MTPAP: variants seen among roughly 807,000 people sequenced by gnomAD.
MTPAP encodes the protein mitochondrial poly(A) polymerase.
In MTPAP, 23 loss-of-function variants were observed where a neutral mutation model predicts 48.7. The observed-to-expected ratio is 0.47, with a 90% confidence interval of 0.34 to 0.67. The LOEUF (loss-of-function observed/expected upper bound fraction) is 0.67. Ranked by LOEUF, MTPAP falls within the 30% of genes least tolerant of loss-of-function variation. MTPAP has a pLI of 0.01. For missense variants in MTPAP, 614 were observed against 694.3 expected, an observed-to-expected ratio of 0.88 and a Z score of 1.30; for synonymous variants, 257 against 254.1, an observed-to-expected ratio of 1.01 and a Z score of -0.11.
intron 3 of MTPAP, among the ~76,000 whole-genome samples, chr10:30,339,592 A>G (rs1029435380): frequency 2.6e-5 from 4 of 152,060 alleles, no homozygotes; most frequent in African/African-American, 9.7e-5. Context: ...GAAAACCTAA[A>G]CTGTTCAAAA....
chr10:30,341,130 C>G lies in MTPAP; in HGVS notation c.330+338G>C, dbSNP rs534704889. 5.1e-4 allele frequency among the ~76,000 whole-genome samples: 77 copies of G among 151,712 alleles called. 2 individuals are homozygous for G. The highest frequency in any genetic ancestry group is 5.1e-3 in the Admixed American group (77 of 15,214). On this transcript the variant is annotated intron_variant, in intron 2 of 8. Coordinates refer to ENST00000263063, the MANE Select transcript of MTPAP (RefSeq NM_018109.4). Reference sequence around the variant, plus strand: ...CTACTCCAGAGGCAGAAGGATCACCCGAGCCTAGGAGTCGAGGCTGTAGTG... The same window carrying G: ...CTACTCCAGAGGCAGAAGGATCACCGGAGCCTAGGAGTCGAGGCTGTAGTG...
At chr10:30,323,128 CAA>C (rs201987154) in intron 5 of MTPAP, among the ~76,000 whole-genome samples, 1,063 of 86,452 alleles carry the variant, frequency 0.012, 11 homozygotes, top group African/African-American at 0.05. Context: ...GACTCCGTTT[CAA>C]AAAAAAAAAA....
In MTPAP at chr10:30,349,199, A is replaced by G. The variant is rs1834905661; in HGVS notation, c.77T>C (p.Ile26Thr). 3 of 1,584,790 alleles carry G rather than the reference A, an allele frequency of 1.9e-6. No homozygotes were observed. The African/African-American group carries it at 4.1e-5, about 21-fold the overall frequency. The change falls in exon 1 of 9, where the codon ATC becomes ACC. Residue 26 changes from isoleucine (I) to threonine (T), a missense_variant. This residue lies in a region of MTPAP where 125 missense variants were observed against 111.5 expected (regional missense o/e 1.12). Transcript: ENST00000263063. ...ARRRTRVQRP[I>T]VRLLSCPGTV... is the part of the protein sequence containing the mutation. ...TCCTGGGCAACTCAAAAGCCTGACGATAGGCCGCTGGACTCGAGTTCTTCT... is the reference window on the plus strand; with the variant it reads ...TCCTGGGCAACTCAAAAGCCTGACGGTAGGCCGCTGGACTCGAGTTCTTCT...
chr10:30,338,861 C>T (rs1024529394), intron 3 of MTPAP, among the ~76,000 whole-genome samples: 10 of 151,878 alleles, frequency 6.6e-5, no homozygotes, highest in East Asian at 2.0e-4. Flanking sequence ...CAGTGGCTCA[C>T]GCCTATAATC....
intron 6 of MTPAP, among the ~76,000 whole-genome samples, chr10:30,317,992 G>C (rs1840680787): frequency 6.6e-6 from 1 of 152,024 alleles, no homozygotes; most frequent in Non-Finnish European, 1.5e-5. Flanking sequence ...TGAGTAGCCG[G>C]AACTACAGGC....
At position 30,340,269 on chromosome 10, in the gene MTPAP, C is replaced by T. The variant is rs1414230576; in HGVS notation, c.512G>A (p.Arg171His). 2.5e-6 allele frequency: 4 copies of T among 1,614,172 alleles called. No homozygotes were observed. Among genetic ancestry groups the T allele is most frequent in the Admixed American group, 1.7e-5 (1 of 60,024 alleles). Residue 171 changes from arginine (R) to histidine (H), a missense_variant, in exon 3 of 9, where the codon CGT (arginine) becomes CAT (histidine). Around this residue, in one of 5 missense-constraint regions of MTPAP, gnomAD observed 114 missense variants for 107.9 expected, o/e 1.06. Transcript: ENST00000263063. Reference sequence around the variant, plus strand: ...TAATTCAAAAAGCTGCTTGTTTGAACGTGGCAACTGATTACTTGACCGTAC... The same window carrying T: ...TAATTCAAAAAGCTGCTTGTTTGAATGTGGCAACTGATTACTTGACCGTAC... ...SRVRSSNQLP[R>H]SNKQLFELLC...
intron 4 of MTPAP, among the ~76,000 whole-genome samples, chr10:30,327,584 G>A (rs1002638433): frequency 1.3e-5 from 2 of 151,702 alleles, no homozygotes; most frequent in African/African-American, 2.4e-5. Context: ...GGTGGCTCAT[G>A]CCTGCAATCT....
intron 1 of MTPAP, among the ~76,000 whole-genome samples, chr10:30,348,553 C>T (rs977981904): frequency 1.3e-5 from 2 of 152,104 alleles, no homozygotes; most frequent in South Asian, 2.1e-4. Flanking sequence ...AAATGTAGAA[C>T]GAACGCGGGA....
chr10:30,340,578 A>G (rs1387234831), intron 2 of MTPAP, 128 bp from the exon 3 acceptor site: 4 of 784,230 alleles, frequency 5.1e-6, no homozygotes, highest in Non-Finnish European at 8.7e-6. Flanking sequence ...TACAAATGAT[A>G]TGATTCTAAC....
In MTPAP at chr10:30,340,389, G is replaced by A; in HGVS notation, c.392C>T (p.Thr131Ile). Residue 131 changes from threonine (T) to isoleucine (I), a missense_variant, in exon 3 of 9, where the codon ACT becomes ATT. Transcript: ENST00000263063. ...KESIGSLQNG[T>I]HTPSTAMETA... The stretch of plus-strand genomic sequence containing the variant: ...CTCCATGGCCGTGCTTGGAGTATGA[G>A]TCCCATTCTGCAGTGAACCTATGCT... The A allele has an allele frequency of 6.2e-7, 1 of 1,614,152 alleles. No individual in the cohort carries two copies. Among genetic ancestry groups the A allele is most frequent in the Non-Finnish European group, 8.5e-7 (1 of 1,180,044 alleles).
rs1336741797 is a variant in MTPAP at position 30,309,804 on chromosome 10, T to C, written c.*3805A>G. On this transcript the variant is annotated 3_prime_UTR_variant, in exon 9 of 9. Coordinates refer to ENST00000263063, the MANE Select transcript of MTPAP (RefSeq NM_018109.4). ...AGGAAATGACAGCAGAAAAAAGTCT[T>C]ATTTCAACTCAACTTTATTTTCCCT... is the stretch of plus-strand genomic sequence containing the variant. 1 of 152,250 alleles carries C rather than the reference T, an allele frequency of 6.6e-6. No individual in the cohort carries two copies. The highest frequency in any genetic ancestry group is 1.5e-5 in the Non-Finnish European group (1 of 68,044). 9.4% of individuals were successfully genotyped at this position (152,250 alleles called of 1,614,324 possible).
At chr10:30,346,365 A>C (rs1418644174) in intron 1 of MTPAP, among the ~76,000 whole-genome samples, 1 of 152,236 alleles carries the variant, frequency 6.6e-6, no homozygotes, top group East Asian at 1.9e-4. Flanking sequence ...GCCAGAGAGC[A>C]TCCAGAGAGG....
Position 30,310,931 on chromosome 10 carries a change from T to C in MTPAP, c.*2678A>G, listed in dbSNP as rs1219985459. On this transcript the variant is annotated 3_prime_UTR_variant, in exon 9 of 9. Coordinates refer to ENST00000263063, the MANE Select transcript of MTPAP (RefSeq NM_018109.4). ...AAAACAAAAAACAAGTCTTTGTAGA[T>C]TTAAAATTAATCACATAATTAAATC... 1.3e-5 allele frequency: 2 copies of C among 150,858 alleles called. No homozygotes were observed. Among genetic ancestry groups the C allele is most frequent in the Non-Finnish European group, 3.0e-5 (2 of 67,772 alleles). 9.3% of individuals were successfully genotyped at this position (150,858 alleles called of 1,614,324 possible).
In MTPAP at chr10:30,349,135, T is replaced by A. The variant is rs1308770676; in HGVS notation, c.141A>T (p.Ser47=). 6.2e-7 allele frequency: 1 copy of A among 1,613,690 alleles called. No homozygotes were observed. The highest frequency in any genetic ancestry group is 1.1e-5 in the South Asian group (1 of 91,070). ...CGCCATCACCTGTCTCCACGCTCCC[T>A]GAAGGCTGCTCGTCTCTCCTAAGGT... is the stretch of plus-strand genomic sequence containing the variant. ...AKDLRRDEQP[S]GSVETGFEDK... The change falls in exon 1 of 9, where the codon TCA becomes TCT. Residue 47 remains serine (S), a synonymous_variant. Transcript: ENST00000263063.
intron 3 of MTPAP, among the ~76,000 whole-genome samples, chr10:30,339,307 C>T (rs1834770702): frequency 6.6e-6 from 1 of 151,728 alleles, no homozygotes; most frequent in Non-Finnish European, 1.5e-5. Context: ...GCCAAAGTGG[C>T]GAAACTCCGT....
chr10:30,349,278 CTAAAA>C, upstream of MTPAP: 1 of 879,580 alleles, frequency 1.1e-6, no homozygotes, highest in Admixed American at 6.5e-5. Context: ...ACCGCCATTG[CTAAAA>C]AAAAAAAAAA....
intron 5 of MTPAP, among the ~76,000 whole-genome samples, chr10:30,323,349 G>A (rs994939076): frequency 2.0e-5 from 3 of 150,286 alleles, no homozygotes; most frequent in Admixed American, 2.0e-4. Flanking sequence ...CTACTTGGGG[G>A]GCTGAGGCAG....
At chr10:30,346,043 G>GAA (rs59035967) in intron 1 of MTPAP, among the ~76,000 whole-genome samples, 5 of 64,182 alleles carry the variant, frequency 7.8e-5, no homozygotes, top group East Asian at 4.7e-4. Context: ...CTTCTCAAAA[G>GAA]AAAAAAAAAA....
At position 30,313,839 on chromosome 10, in the gene MTPAP, A is replaced by T. The variant is rs752966685; in HGVS notation, c.1519T>A (p.Trp507Arg). Residue 507 changes from tryptophan to arginine, a missense_variant, in exon 9 of 9, where the codon TGG (tryptophan) becomes AGG (arginine). Coordinates refer to ENST00000263063, the MANE Select transcript of MTPAP (RefSeq NM_018109.4). ...TCTGTATCTTCCTGTTGTAAAATCCAGGCACTTTCTCGGGCCAAATCTACA... is the reference window on the plus strand; with the variant it reads ...TCTGTATCTTCCTGTTGTAAAATCCTGGCACTTTCTCGGGCCAAATCTACA... ...KFVDLARESA[W>R]ILQQEDTDRP... The T allele has an allele frequency of 8.7e-6, 14 of 1,614,164 alleles. No individual in the cohort carries two copies. In the South Asian group the frequency reaches 1.5e-4, roughly 18 times the overall value.
Sources: allele counts gnomAD v4.1 joint callset (sites outside exome capture counted in the v4.1 genomes callset), GRCh38; gene constraint gnomAD v4.1.1; regional missense constraint gnomAD v4.1.1; transcripts MANE v1.5; gene names NCBI Gene and HGNC (gene_info 2026-07-23, HGNC 2026-07-21).